The following INTS14 variants were observed in gnomAD, a reference collection of about 807,000 sequenced individuals.
INTS14 encodes UPF0464 protein C15orf44.
INTS14 carries 27 observed loss-of-function variants against 56.9 expected under a neutral mutation model. The observed-to-expected ratio is 0.47, with a 90% CI of 0.35 to 0.65. The LOEUF (loss-of-function observed/expected upper bound fraction) is 0.65. Among genes scored for constraint, INTS14 ranks in the 30% least tolerant of loss-of-function variants. The pLI, the probability that INTS14 is intolerant of heterozygous loss-of-function variation, is 0.00. For synonymous variants in INTS14, 207 were observed against 236.2 expected, an observed-to-expected ratio of 0.88 and a Z score of 1.13; for missense variants, 517 against 632.2, an observed-to-expected ratio of 0.82 and a Z score of 1.95.
At chr15:65,605,977 C>T (rs891027221) in intron 2 of INTS14, among the ~76,000 whole-genome samples, 1 of 151,992 alleles carries the variant, frequency 6.6e-6, no homozygotes, top group Non-Finnish European at 1.5e-5. Context: ...GAGATAAGGC[C>T]GGGCGCGGTG....
intron 1 of INTS14, among the ~76,000 whole-genome samples, chr15:65,610,353 C>A (rs956422904): frequency 2.0e-5 from 3 of 152,234 alleles, no homozygotes; most frequent in African/African-American, 7.2e-5. Flanking sequence ...AGCGAGACTC[C>A]GTCTTGGGTG....
intron 10 of INTS14, among the ~76,000 whole-genome samples, chr15:65,583,722 T>G (rs981067042): frequency 4.6e-5 from 7 of 152,066 alleles, no homozygotes; most frequent in African/African-American, 1.7e-4. Context: ...AAGATAGTAG[T>G]GAAGATTCAA....
intron 3 of INTS14, among the ~76,000 whole-genome samples, chr15:65,604,090 T>G (rs1362707652): frequency 6.6e-6 from 1 of 152,178 alleles, no homozygotes; most frequent in African/African-American, 2.4e-5. Flanking sequence ...GACTTTATGT[T>G]TGTTTGTTTT....
At chr15:65,579,891 G>C (rs1048766711) in intron 11 of INTS14, among the ~76,000 whole-genome samples, 2 of 152,140 alleles carry the variant, frequency 1.3e-5, no homozygotes, top group South Asian at 4.1e-4. Flanking sequence ...ATGAAACAAC[G>C]TCATCATCAC....
intron 7 of INTS14, among the ~76,000 whole-genome samples, chr15:65,594,907 T>A (rs573795133): frequency 9.2e-5 from 14 of 152,178 alleles, no homozygotes; most frequent in Non-Finnish European, 1.8e-4. Flanking sequence ...TCTGTGAACA[T>A]GTGATTGGTT....
chr15:65,599,955 G>C, intron 3 of INTS14, 26 bp from the exon 4 acceptor site: 1 of 1,600,842 alleles, frequency 6.2e-7, no homozygotes, highest in South Asian at 1.1e-5. Flanking sequence ...GAGAGAGGAG[G>C]TTGTACATTA....
intron 3 of INTS14, among the ~76,000 whole-genome samples, chr15:65,601,863 C>T (rs1435493809): frequency 1.3e-5 from 2 of 152,050 alleles, no homozygotes; most frequent in Non-Finnish European, 2.9e-5. Context: ...AAATATTTCA[C>T]GTAATGTCAA....
At chr15:65,595,644 C>T in intron 7 of INTS14, 89 bp downstream of exon 7, 1 of 1,037,612 alleles carries the variant, frequency 9.6e-7, no homozygotes, top group Non-Finnish European at 1.4e-6. Flanking sequence ...CCCCTAAATT[C>T]TGCAAAATGG....
intron 7 of INTS14, 114 bp downstream of exon 7, chr15:65,595,619 T>C (rs2073183059): frequency 1.3e-6 from 1 of 774,006 alleles, no homozygotes; most frequent in Non-Finnish European, 2.1e-6. Flanking sequence ...AATCCAATTC[T>C]GTAACTATTC....
chr15:65,590,817 T>C (rs2072998491), intron 9 of INTS14, among the ~76,000 whole-genome samples: 1 of 152,134 alleles, frequency 6.6e-6, no homozygotes. Context: ...TGGGCCCAAA[T>C]GAGTCAAAGA....
At position 65,599,004 on chromosome 15, in the gene INTS14, C is replaced by G. The variant is rs370615156; in HGVS notation, c.487-14G>C. ...GGTGCTCTGGAGCTATAAAGCAAAA[C>G]AGATGACCCTTAAAGTGGCTGGCAC... On this transcript the variant is annotated splice_polypyrimidine_tract_variant and intron_variant, in intron 4 of 11. Coordinates refer to ENST00000313182, the MANE Select transcript of INTS14 (RefSeq NM_001394796.1). 1 of 1,602,680 alleles carries G rather than the reference C, an allele frequency of 6.2e-7. No individual in the cohort carries two copies. Among genetic ancestry groups the G allele is most frequent in the Non-Finnish European group, 8.5e-7 (1 of 1,171,282 alleles).
intron 1 of INTS14, among the ~76,000 whole-genome samples, chr15:65,610,512 G>A (rs952037743): frequency 7.6e-6 from 1 of 132,426 alleles, no homozygotes. Context: ...TTCTTTCTCA[G>A]GAACAGTCTG....
chr15:65,599,839 T>C lies in INTS14; in HGVS notation c.421A>G (p.Arg141Gly). Reference sequence around the variant, plus strand: ...GGGAAAGGAAAAGGTAGTGGAAACCTGTTGCTCTCACTTCGTTGATTTTGA... The same window carrying C: ...GGGAAAGGAAAAGGTAGTGGAAACCCGTTGCTCTCACTTCGTTGATTTTGA... ...ATQNQRSESN[R>G]FPLPFPFPSK... The change falls in exon 4 of 12, where the codon AGG (arginine) becomes GGG (glycine). Residue 141 changes from arginine (R) to glycine (G), a missense_variant. Physicochemically the swap from Arg to Gly is moderately radical, Grantham distance 125. Coordinates refer to ENST00000313182, the MANE Select transcript of INTS14 (RefSeq NM_001394796.1). 1 of 1,614,230 alleles carries C rather than the reference T, an allele frequency of 6.2e-7. No individual in the cohort carries two copies. Among genetic ancestry groups the C allele is most frequent in the Non-Finnish European group, 8.5e-7 (1 of 1,180,038 alleles).
chr15:65,610,467 C>G (rs528035025), intron 1 of INTS14, among the ~76,000 whole-genome samples: 25 of 151,650 alleles, frequency 1.6e-4, no homozygotes, highest in Middle Eastern at 3.4e-3. Flanking sequence ...ACCCCCACCC[C>G]CTTCCCACGT....
chr15:65,579,920 C>A (rs894269918), intron 11 of INTS14, among the ~76,000 whole-genome samples: 2 of 152,118 alleles, frequency 1.3e-5, no homozygotes, highest in Non-Finnish European at 2.9e-5. Context: ...AGCATTTATG[C>A]CACATGTGGT....
chr15:65,600,655 A>C (rs767849117), intron 3 of INTS14, among the ~76,000 whole-genome samples: 159 of 112,538 alleles, frequency 1.4e-3, no homozygotes, highest in Non-Finnish European at 2.4e-3. Context: ...CTGGCCCCGC[A>C]AAAAAAAAAA....
chr15:65,581,416 C>T (rs1338135175), intron 11 of INTS14, among the ~76,000 whole-genome samples: 1 of 145,008 alleles, frequency 6.9e-6, no homozygotes, highest in Non-Finnish European at 1.5e-5. Flanking sequence ...GGCGTGGTGG[C>T]ACGTGCCTGT....
intron 11 of INTS14, among the ~76,000 whole-genome samples, chr15:65,580,650 T>C (rs558665175): frequency 1.3e-5 from 2 of 152,364 alleles, no homozygotes; most frequent in South Asian, 2.1e-4. Context: ...AAGTAGCATG[T>C]ATCTTCTCTG....
In INTS14 at chr15:65,579,671, C is replaced by T. The variant is rs376462792; in HGVS notation, c.1306-12G>A. Reference sequence around the variant, plus strand: ...AAACGGTTCAGCTCCTGAAACAAGACAGAAAATCACCAATGCTCCTGAAAT... The same window carrying T: ...AAACGGTTCAGCTCCTGAAACAAGATAGAAAATCACCAATGCTCCTGAAAT... On this transcript the variant is annotated splice_polypyrimidine_tract_variant and intron_variant, in intron 11 of 11. Coordinates refer to ENST00000313182, the MANE Select transcript of INTS14 (RefSeq NM_001394796.1). 79 of 1,607,184 alleles carry T rather than the reference C, an allele frequency of 4.9e-5. No individual in the cohort carries two copies. The Admixed American group carries it at 1.2e-3, about 25-fold the overall frequency.
Sources: gnomAD v4.1 joint callset for allele counts (sites outside exome capture counted in the v4.1 genomes callset) on GRCh38, gnomAD v4.1.1 for gene constraint, MANE v1.5 for transcripts, NCBI Gene and HGNC (gene_info 2026-07-23, HGNC 2026-07-21) for gene names.